The following GBE1 variants were observed in gnomAD, a reference collection of about 807,000 sequenced individuals.
GBE1 encodes the protein 1,4-alpha-glucan branching enzyme 1, also known as 1,4-alpha-glucan-branching enzyme.
Under a neutral mutation model 88.8 loss-of-function variants are expected in GBE1, and 70 were observed. The observed-to-expected ratio is 0.79, with a 90% CI of 0.65 to 0.96. The LOEUF (loss-of-function observed/expected upper bound fraction) is 0.96. Ranked by LOEUF, GBE1 falls within the 40% of genes least tolerant of loss-of-function variation. The pLI, the probability that GBE1 is intolerant of heterozygous loss-of-function variation, is 0.00. For missense variants in GBE1, 872 were observed against 871.0 expected (o/e 1.00, Z -0.01); for synonymous variants, 284 against 300.1 (o/e 0.95, Z 0.56).
intron 12 of GBE1, among the ~76,000 whole-genome samples, chr3:81,572,024 G>GATA (rs1703582503): frequency 6.6e-6 from 1 of 152,134 alleles, no homozygotes. Flanking sequence ...TCAAGGGAGA[G>GATA]ACCAGGTGGA....
rs118054238 is a variant in GBE1, at chr3:81,533,000, C to T, written c.1934+2195G>A. On this transcript the variant is annotated intron_variant, in intron 14 of 15. Coordinates refer to ENST00000429644, the MANE Select transcript of GBE1 (RefSeq NM_000158.4). ...TCTGTTCTCCCATGGAACATTCTTGCTCCTTGTTCCTTTTCCATTTATTGC... is the reference window on the plus strand; with the variant it reads ...TCTGTTCTCCCATGGAACATTCTTGTTCCTTGTTCCTTTTCCATTTATTGC... 1.0e-3 allele frequency among the ~76,000 whole-genome samples: 157 copies of T among 152,172 alleles called. 3 individuals carry two copies. The East Asian group carries it at 0.019, about 19-fold the overall frequency.
chr3:81,652,678 T>C (rs1369224660), intron 3 of GBE1, among the ~76,000 whole-genome samples: 1 of 152,246 alleles, frequency 6.6e-6, no homozygotes, highest in Non-Finnish European at 1.5e-5. Context: ...ACTTAGGTTT[T>C]ACTTACTAGT....
Position 81,536,992 on chromosome 3 carries a change from A to G in GBE1, c.1722T>C (p.Leu574=), listed in dbSNP as rs367905308. 34 of 1,593,062 alleles carry G rather than the reference A, an allele frequency of 2.1e-5. No homozygotes were observed. The African/African-American group carries it at 4.6e-4, about 22-fold the overall frequency. ...RRQFHLTDDD[L]LRYKFLNNFD... is the part of the protein sequence containing the mutation. ...AATTATTTAGGAACTTGTAGCGAAG[A>G]AGGTCGTCGTCAGTTAAATGAAACT... Residue 574 remains leucine, a synonymous_variant, in exon 13 of 16, where the codon CTT becomes CTC. Transcript: ENST00000429644.
chr3:81,531,524 G>A (rs911406653), intron 14 of GBE1, among the ~76,000 whole-genome samples: 2 of 151,942 alleles, frequency 1.3e-5, no homozygotes, highest in African/African-American at 4.8e-5. Flanking sequence ...AGGTCCAAGT[G>A]TTCCTCCGTC....
intron 1 of GBE1, among the ~76,000 whole-genome samples, chr3:81,741,879 ATAT>A (rs558461860): frequency 1.7e-4 from 25 of 147,848 alleles, no homozygotes; most frequent in African/African-American, 5.6e-4. Context: ...TATATAATAT[ATAT>A]TATAACTAGA....
intron 1 of GBE1, among the ~76,000 whole-genome samples, chr3:81,750,679 A>ATATATACATATATATATACG (rs1706515074): frequency 1.2e-5 from 1 of 84,244 alleles, no homozygotes; most frequent in Non-Finnish European, 2.1e-5. Context: ...ATATACGTAT[A>ATATATACATATATATATACG]TATATATATA....
At chr3:81,592,368 A>G (rs1333957633) in intron 8 of GBE1, among the ~76,000 whole-genome samples, 2 of 152,074 alleles carry the variant, frequency 1.3e-5, no homozygotes, top group Non-Finnish European at 2.9e-5. Flanking sequence ...AATTTGGCAG[A>G]CATTGCTTCT....
At chr3:81,671,374 C>T (rs1440706721) in intron 2 of GBE1, among the ~76,000 whole-genome samples, 2 of 152,046 alleles carry the variant, frequency 1.3e-5, no homozygotes, top group African/African-American at 4.8e-5. Context: ...TACTGAATTT[C>T]ATAAGAGTGT....
At chr3:81,721,610 T>C (rs1483748093) in intron 1 of GBE1, among the ~76,000 whole-genome samples, 1 of 152,202 alleles carries the variant, frequency 6.6e-6, no homozygotes, top group African/African-American at 2.4e-5. Context: ...TACAGTATTA[T>C]AAATTTATCT....
At chr3:81,703,167 C>T (rs913743035) in intron 2 of GBE1, among the ~76,000 whole-genome samples, 9 of 151,936 alleles carry the variant, frequency 5.9e-5, no homozygotes, top group African/African-American at 2.2e-4. Context: ...AGGCAGATTT[C>T]TAAATGGTCT....
At chr3:81,737,784 G>T (rs1356217085) in intron 1 of GBE1, among the ~76,000 whole-genome samples, 4 of 151,204 alleles carry the variant, frequency 2.6e-5, no homozygotes, top group African/African-American at 7.3e-5. Flanking sequence ...TAAGTTTTAG[G>T]GTACATGTGC....
rs537732776 is a variant in GBE1 at position 81,697,483 on chromosome 3, G to T, written c.313+7961C>A. 1.0e-3 allele frequency among the ~76,000 whole-genome samples: 152 copies of T among 152,102 alleles called. 1 individual carries two copies. The highest frequency in any genetic ancestry group is 3.3e-3 in the African/African-American group (138 of 41,494). Reference sequence around the variant, plus strand: ...CCCAGCTAATTTTTTTGTATTTTTAGTGGAGACAGGATTTCACCGTGTTAG... The same window carrying T: ...CCCAGCTAATTTTTTTGTATTTTTATTGGAGACAGGATTTCACCGTGTTAG... On this transcript the variant is annotated intron_variant, in intron 2 of 15. Coordinates refer to ENST00000429644, the MANE Select transcript of GBE1 (RefSeq NM_000158.4).
At chr3:81,494,126 G>A (rs1702473137) in intron 15 of GBE1, among the ~76,000 whole-genome samples, 1 of 152,080 alleles carries the variant, frequency 6.6e-6, no homozygotes, top group South Asian at 2.1e-4. Flanking sequence ...ACCAGAATGT[G>A]TTTATATTGC....
intron 10 of GBE1, among the ~76,000 whole-genome samples, chr3:81,581,675 A>C (rs1421015898): frequency 1.3e-5 from 2 of 152,130 alleles, no homozygotes; most frequent in Admixed American, 1.3e-4. Flanking sequence ...TGTTTATATG[A>C]AAAAAATTAG....
chr3:81,695,938 G>A (rs1705585017), intron 2 of GBE1, among the ~76,000 whole-genome samples: 1 of 152,106 alleles, frequency 6.6e-6, no homozygotes, highest in Admixed American at 6.6e-5. Flanking sequence ...CTAATGAGAG[G>A]GGGGTCTCTG....
chr3:81,516,728 A>AGAT (rs1702803006), intron 14 of GBE1, among the ~76,000 whole-genome samples: 3 of 151,566 alleles, frequency 2.0e-5, no homozygotes. Context: ...TTAAAATATC[A>AGAT]ACACAATAGG....
At chr3:81,747,007 G>C (rs1185695468) in intron 1 of GBE1, among the ~76,000 whole-genome samples, 1 of 152,054 alleles carries the variant, frequency 6.6e-6, no homozygotes, top group African/African-American at 2.4e-5. Context: ...GTCAGTTTAT[G>C]ATCATTAAAA....
intron 14 of GBE1, among the ~76,000 whole-genome samples, chr3:81,507,823 A>C (rs1435885168): frequency 6.6e-6 from 1 of 152,090 alleles, no homozygotes; most frequent in Non-Finnish European, 1.5e-5. Flanking sequence ...TTAAATGACA[A>C]CCGTACATTT....
intron 3 of GBE1, among the ~76,000 whole-genome samples, chr3:81,653,412 A>G (rs186234604): frequency 7.0e-4 from 107 of 152,242 alleles, no homozygotes; most frequent in African/African-American, 2.4e-3. Flanking sequence ...CTTGAGCCAA[A>G]GAGTTCAAGG....
Sources: allele counts gnomAD v4.1 joint callset (sites outside exome capture counted in the v4.1 genomes callset), GRCh38; gene constraint gnomAD v4.1.1; transcripts MANE v1.5; gene names NCBI Gene and HGNC (gene_info 2026-07-23, HGNC 2026-07-21).